TRIM27: variants seen among roughly 807,000 people sequenced by gnomAD.
TRIM27 encodes the protein tripartite motif containing 27.
In TRIM27, 12 loss-of-function variants were observed where a neutral mutation model predicts 57.6. That is an observed-to-expected ratio of 0.21 (90% CI 0.13 to 0.34). The LOEUF (loss-of-function observed/expected upper bound fraction) is 0.34. Ranked by LOEUF, TRIM27 falls within the 10% of genes least tolerant of loss-of-function variation. The pLI, the probability that TRIM27 is intolerant of heterozygous loss-of-function variation, is 1.00. For missense variants in TRIM27, 403 were observed against 656.8 expected (o/e 0.61, Z 4.22); for synonymous variants, 266 against 259.0 (o/e 1.03, Z -0.26).
intron 4 of TRIM27, among the ~76,000 whole-genome samples, chr6:28,909,991 A>AC (rs1360947280): frequency 2.0e-5 from 3 of 152,044 alleles, no homozygotes; most frequent in Admixed American, 6.6e-5. Flanking sequence ...ATGTAACATG[A>AC]CAGGAAACAG....
chr6:28,923,109 A>G, intron 1 of TRIM27, 104 bp downstream of exon 1: 3 of 1,294,952 alleles, frequency 2.3e-6, no homozygotes, highest in South Asian at 3.0e-5. Flanking sequence ...TGTGAACCAC[A>G]CGTCCGGCTC....
At chr6:28,907,298 G>C (rs781360991) in intron 6 of TRIM27, 36 bp from the exon 7 acceptor site, 1 of 1,604,304 alleles carries the variant, frequency 6.2e-7, no homozygotes, top group Non-Finnish European at 8.5e-7. Flanking sequence ...TGGAAGTCAT[G>C]AGGGTTTCCA....
intron 3 of TRIM27, among the ~76,000 whole-genome samples, chr6:28,914,612 C>T (rs544417988): frequency 2.9e-5 from 4 of 136,798 alleles, no homozygotes; most frequent in Non-Finnish European, 3.1e-5. Context: ...TAACAGATTA[C>T]TTAATGGGTA....
intron 3 of TRIM27, among the ~76,000 whole-genome samples, chr6:28,913,196 G>A (rs1052320169): frequency 3.3e-5 from 5 of 149,844 alleles, no homozygotes; most frequent in African/African-American, 4.9e-5. Flanking sequence ...CAGAGGTTGC[G>A]GTAAGCTGAG....
Position 28,923,202 on chromosome 6 carries a change from C to A in TRIM27, c.420+11G>T. 6.5e-7 allele frequency: 1 copy of A among 1,544,784 alleles called. No homozygotes were observed. The highest frequency in any genetic ancestry group is 8.8e-7 in the Non-Finnish European group (1 of 1,141,172). ...ACTCGCGCTCCCGCCCTCCCGGATCCGCGCCCTCACCTTGAAGCCCTCCAC... is the reference window on the plus strand; with the variant it reads ...ACTCGCGCTCCCGCCCTCCCGGATCAGCGCCCTCACCTTGAAGCCCTCCAC... On this transcript the variant is annotated intron_variant, in intron 1 of 7. Transcript: ENST00000377199.
chr6:28,922,079 G>T, intron 1 of TRIM27, 92 bp from the exon 2 acceptor site: 2 of 951,490 alleles, frequency 2.1e-6, no homozygotes, highest in Non-Finnish European at 3.4e-6. Flanking sequence ...CCACACACCT[G>T]ATGCCAAGTC....
chr6:28,903,031 C>A lies in TRIM27; in HGVS notation c.*1039G>T. The A allele has an allele frequency of 4.5e-6, 1 of 220,516 alleles. No homozygotes were observed. The highest frequency in any genetic ancestry group is 9.1e-6 in the Non-Finnish European group (1 of 110,124). 13.7% of individuals were successfully genotyped at this position (220,516 alleles called of 1,614,324 possible). On this transcript the variant is annotated 3_prime_UTR_variant, in exon 8 of 8. Coordinates refer to ENST00000377199, the MANE Select transcript of TRIM27 (RefSeq NM_006510.5). ...CATCCATATTCAGTTTATTTTTAAA[C>A]AGAGGGGCACGTACCCACAGAGAAG...
chr6:28,923,112 T>A (rs550802863), intron 1 of TRIM27, 101 bp downstream of exon 1: 1 of 1,324,752 alleles, frequency 7.5e-7, no homozygotes, highest in South Asian at 1.5e-5. Context: ...GAACCACACG[T>A]CCGGCTCAGC....
At chr6:28,911,406 C>T (rs980128721) in intron 4 of TRIM27, 3 of 354,826 alleles carry the variant, frequency 8.5e-6, no homozygotes, top group Non-Finnish European at 1.0e-5. Flanking sequence ...TAGACATAAA[C>T]TACCCTTATA....
intron 3 of TRIM27, among the ~76,000 whole-genome samples, chr6:28,915,920 A>G (rs113491714): frequency 0.036 from 5,533 of 152,148 alleles, 177 homozygotes; most frequent in African/African-American, 0.082. Context: ...ATATTTTTTC[A>G]TATATATATT....
chr6:28,915,004 T>C (rs1773497538), intron 3 of TRIM27: 1 of 152,034 alleles, frequency 6.6e-6, no homozygotes. Context: ...TCCCAATTTG[T>C]ATACCTATAA....
intron 3 of TRIM27, among the ~76,000 whole-genome samples, chr6:28,916,134 C>T (rs1455794287): frequency 6.6e-6 from 1 of 151,930 alleles, no homozygotes; most frequent in African/African-American, 2.4e-5. Flanking sequence ...CCAGGCTGGT[C>T]TCGAACTCCT....
At chr6:28,921,649 T>A (rs2150493144) in intron 2 of TRIM27, among the ~76,000 whole-genome samples, 1 of 152,338 alleles carries the variant, frequency 6.6e-6, no homozygotes, top group South Asian at 2.1e-4. Flanking sequence ...GTCTACGCAG[T>A]TAGCAGGTTA....
In TRIM27 at chr6:28,907,555, C is replaced by G. The variant is rs114383995; in HGVS notation, c.920-293G>C. 5.2e-3 allele frequency: 3,366 copies of G among 649,148 alleles called. 60 individuals carry two copies. The highest frequency in any genetic ancestry group is 0.048 in the African/African-American group (2,719 of 56,188). The allele number at this position is 649,148 out of a possible 1,614,324, so 40.2% of individuals were successfully genotyped here. On this transcript the variant is annotated intron_variant, in intron 6 of 7. Transcript: ENST00000377199. ...TCAAGAATTCCACCTTCCAGTGAGT[C>G]AGCTGATTCTGCAGAGGGAAACGCG...
At chr6:28,921,732 A>G (rs141061431) in intron 2 of TRIM27, among the ~76,000 whole-genome samples, 160 bp downstream of exon 2, 1 of 152,290 alleles carries the variant, frequency 6.6e-6, no homozygotes, top group Non-Finnish European at 1.5e-5. Flanking sequence ...AAGTAAGGGA[A>G]TCTTAGTTCT....
At chr6:28,909,120 T>G (rs1343708872) in intron 4 of TRIM27, 32 bp from the exon 5 acceptor site, 5 of 1,542,556 alleles carry the variant, frequency 3.2e-6, no homozygotes, top group Non-Finnish European at 3.5e-6. Context: ...AAATTTTTTT[T>G]TTTTTTGAGA....
In TRIM27 at chr6:28,923,692, C is replaced by A. The variant is rs112802305; in HGVS notation, c.-60G>T. 2.1e-3 allele frequency: 3,079 copies of A among 1,440,444 alleles called. 38 individuals carry two copies. The African/African-American group carries it at 0.032, about 15-fold the overall frequency. 89.2% of individuals were successfully genotyped at this position (1,440,444 alleles called of 1,614,324 possible). ...CCGGCGCCGAGCTCTGCACTGAGCC[C>A]AACTCTCCGGCGCTCTCTCCGGTTC... On this transcript the variant is annotated 5_prime_UTR_variant, in exon 1 of 8. Transcript: ENST00000377199.
chr6:28,916,856 G>C (rs1168383281), intron 3 of TRIM27, among the ~76,000 whole-genome samples: 1 of 152,072 alleles, frequency 6.6e-6, no homozygotes. Flanking sequence ...GAAGAAGGCT[G>C]GAAGGCTGGA....
In TRIM27 at chr6:28,911,725, G is replaced by C; in HGVS notation, c.748-7C>G. 6.2e-7 allele frequency: 1 copy of C among 1,608,994 alleles called. No individual in the cohort carries two copies. ...TCAATGTGTCCCCAATGTCCTGCAA[G>C]AGAAAGGAAAAAAAATAACCATGAG... On this transcript the variant is annotated splice_region_variant and splice_polypyrimidine_tract_variant and intron_variant, in intron 3 of 7. Coordinates refer to ENST00000377199, the MANE Select transcript of TRIM27 (RefSeq NM_006510.5).
Sources: gnomAD v4.1 joint callset for allele counts (sites outside exome capture counted in the v4.1 genomes callset) on GRCh38, gnomAD v4.1.1 for gene constraint, MANE v1.5 for transcripts, NCBI Gene and HGNC (gene_info 2026-07-23, HGNC 2026-07-21) for gene names.